Variants in MYO16 observed in about 807,000 individuals in gnomAD.
MYO16 encodes the protein unconventional myosin-XVI.
MYO16 carries 94 observed loss-of-function variants against 205.3 expected under a neutral mutation model. That is an observed-to-expected ratio of 0.46 (90% confidence interval 0.39 to 0.54). The LOEUF is 0.54. Among genes scored for constraint, MYO16 ranks in the 20% least tolerant of loss-of-function variants. MYO16 has a pLI of 0.00. For missense variants in MYO16, 2,315 were observed against 2,387.5 expected, an observed-to-expected ratio of 0.97 and a Z score of 0.63; for synonymous variants, 988 against 954.0, an observed-to-expected ratio of 1.04 and a Z score of -0.66.
At chr13:109,092,632 T>C (rs1425063291) in intron 27 of MYO16, among the ~76,000 whole-genome samples, 3 of 152,188 alleles carry the variant, frequency 2.0e-5, no homozygotes, top group Admixed American at 6.5e-5. Context: ...CTGGGCTTAA[T>C]AGCTGGGTGA....
the MYO16 span, among the ~76,000 whole-genome samples, chr13:108,557,236 C>A: frequency 1.3e-5 from 2 of 152,112 alleles, no homozygotes; most frequent in Non-Finnish European, 2.9e-5. Flanking sequence ...AACAACTTAA[C>A]AATATTAATT....
chr13:108,973,933 G>C (rs1052869230), intron 20 of MYO16, among the ~76,000 whole-genome samples: 6 of 151,866 alleles, frequency 4.0e-5, no homozygotes, highest in Non-Finnish European at 8.8e-5. Context: ...GAAGAATTCT[G>C]CTGGCTGGTT....
chr13:108,889,677 G>C (rs1269419928), intron 14 of MYO16, among the ~76,000 whole-genome samples: 3 of 148,890 alleles, frequency 2.0e-5, no homozygotes, highest in Non-Finnish European at 3.0e-5. Flanking sequence ...CCAGATGCCT[G>C]GAAGTTCATG....
chr13:108,501,984 C>A, the MYO16 span, among the ~76,000 whole-genome samples: 1 of 152,090 alleles, frequency 6.6e-6, no homozygotes, highest in Non-Finnish European at 1.5e-5. Flanking sequence ...GAGGCCGAGG[C>A]GGGCGGATCA....
At chr13:108,731,495 A>G (rs1365344385) in intron 4 of MYO16, among the ~76,000 whole-genome samples, 1 of 152,182 alleles carries the variant, frequency 6.6e-6, no homozygotes, top group Non-Finnish European at 1.5e-5. Flanking sequence ...TCATCTCAAT[A>G]TCTGATGAGT....
chr13:108,572,545 C>T, the MYO16 span, among the ~76,000 whole-genome samples: 1 of 152,252 alleles, frequency 6.6e-6, no homozygotes, highest in African/African-American at 2.4e-5. Context: ...GTGAATGCAT[C>T]TTATTTCGGT....
intron 27 of MYO16, among the ~76,000 whole-genome samples, chr13:109,095,201 C>G (rs553062649): frequency 3.9e-5 from 6 of 152,194 alleles, no homozygotes; most frequent in Admixed American, 2.0e-4. Context: ...TGGTTTGCCT[C>G]AGACACAGAG....
At chr13:109,057,921 G>A (rs572789066) in intron 27 of MYO16, among the ~76,000 whole-genome samples, 1 of 152,080 alleles carries the variant, frequency 6.6e-6, no homozygotes, top group African/African-American at 2.4e-5. Flanking sequence ...GGCCTCAGAG[G>A]GTGATGAGCC....
At chr13:108,667,317 T>G (rs1359504234) in intron 2 of MYO16, among the ~76,000 whole-genome samples, 1 of 144,674 alleles carries the variant, frequency 6.9e-6, no homozygotes, top group Non-Finnish European at 1.5e-5. Context: ...GAATTTCTGT[T>G]TTGTTTTTTT....
intron 27 of MYO16, among the ~76,000 whole-genome samples, chr13:109,097,415 T>C (rs1280346204): frequency 6.6e-6 from 1 of 152,082 alleles, no homozygotes; most frequent in African/African-American, 2.4e-5. Flanking sequence ...TTTGCACAGC[T>C]TACTCCCGGT....
the MYO16 span, among the ~76,000 whole-genome samples, chr13:108,534,114 G>C: frequency 6.6e-6 from 1 of 152,142 alleles, no homozygotes; most frequent in Non-Finnish European, 1.5e-5. Flanking sequence ...TTGCTTTCAA[G>C]TTCTGGTTTA....
intron 28 of MYO16, among the ~76,000 whole-genome samples, chr13:109,111,242 A>G (rs1889271915): frequency 6.6e-6 from 1 of 152,182 alleles, no homozygotes; most frequent in South Asian, 2.1e-4. Flanking sequence ...TTCACATAGC[A>G]AAAATAGAAC....
In MYO16 at chr13:108,701,363, C is replaced by T. The variant is rs529621161; in HGVS notation, c.293-11298C>T. Among the ~76,000 whole-genome samples the T allele has an allele frequency of 2.0e-5, 3 of 152,218 alleles. No individual in the cohort carries two copies. In the East Asian group the frequency reaches 5.8e-4, roughly 30 times the overall value. On this transcript the variant is annotated intron_variant, in intron 2 of 34. Transcript: ENST00000457511. ...GATTAGGCCATGAGGACTCTGCCCT[C>T]ATGAGTGGTTTAATGCTGTTATCAC...
At chr13:108,824,666 T>G (rs1876159633) in intron 9 of MYO16, among the ~76,000 whole-genome samples, 1 of 152,118 alleles carries the variant, frequency 6.6e-6, no homozygotes, top group African/African-American at 2.4e-5. Flanking sequence ...AATAGTGGAA[T>G]ACATATTCTT....
intron 14 of MYO16, among the ~76,000 whole-genome samples, chr13:108,896,640 C>T (rs577227724): frequency 6.6e-6 from 1 of 152,194 alleles, no homozygotes; most frequent in African/African-American, 2.4e-5. Context: ...TAATTCAACA[C>T]CTTAATGTAG....
chr13:108,989,231 A>G (rs1048397459), intron 20 of MYO16, among the ~76,000 whole-genome samples: 7 of 152,172 alleles, frequency 4.6e-5, no homozygotes, highest in African/African-American at 1.4e-4. Flanking sequence ...TACTTTAAGA[A>G]TACTAAAGGT....
the MYO16 span, among the ~76,000 whole-genome samples, chr13:108,565,475 T>C: frequency 8.5e-5 from 13 of 152,310 alleles, no homozygotes; most frequent in East Asian, 2.3e-3. Context: ...CTTTTTCAAA[T>C]TTCTGACTCT....
chr13:108,788,754 T>A (rs1333447221), intron 5 of MYO16, among the ~76,000 whole-genome samples: 1 of 152,246 alleles, frequency 6.6e-6, no homozygotes, highest in East Asian at 1.9e-4. Context: ...TAGTTTTCTA[T>A]CCAGTGATAG....
intron 20 of MYO16, among the ~76,000 whole-genome samples, chr13:108,986,799 C>T (rs1331132743): frequency 1.3e-5 from 2 of 151,984 alleles, no homozygotes; most frequent in African/African-American, 4.8e-5. Context: ...TTTTTGGTTT[C>T]TGAGGAGAAC....
Sources: allele counts gnomAD v4.1 joint callset (sites outside exome capture counted in the v4.1 genomes callset), GRCh38; gene constraint gnomAD v4.1.1; transcripts MANE v1.5; gene names NCBI Gene and HGNC (gene_info 2026-07-23, HGNC 2026-07-21).